CENPP: variants seen among roughly 807,000 people sequenced by gnomAD.
The protein encoded by CENPP is centromere protein P.
Under a neutral mutation model 35.6 loss-of-function variants are expected in CENPP, and 24 were observed. The ratio of observed to expected loss-of-function variants is 0.67; its 90% CI spans 0.49 to 0.95. The LOEUF is 0.95. CENPP is among the 40% of genes least tolerant of loss of function. CENPP has a pLI of 0.00. For missense variants in CENPP, 332 were observed against 345.3 expected (o/e 0.96, Z 0.31); for synonymous variants, 120 against 125.5 (o/e 0.96, Z 0.29).
Position 92,332,315 on chromosome 9 carries a change from A to G in CENPP, c.253A>G (p.Thr85Ala). Reference sequence around the variant, plus strand: ...CAATATAAGAAATCACTCCAAGCAGACAGAAGACCTAACAAGCACTGAGAT... The same window carrying G: ...CAATATAAGAAATCACTCCAAGCAGGCAGAAGACCTAACAAGCACTGAGAT... ...GINIRNHSKQTEDLTSTEMTE... is the reference protein window; with the variant it reads ...GINIRNHSKQAEDLTSTEMTE... Residue 85 changes from threonine (T) to alanine (A), a missense_variant, in exon 2 of 8, where the codon ACA becomes GCA. Transcript: ENST00000375587. The G allele has an allele frequency of 1.2e-6, 2 of 1,608,010 alleles. No individual in the cohort carries two copies. The highest frequency in any genetic ancestry group is 2.2e-5 in the East Asian group (1 of 44,614).
At chr9:92,519,242 T>G (rs1194529310) in intron 5 of CENPP, among the ~76,000 whole-genome samples, 3 of 152,188 alleles carry the variant, frequency 2.0e-5, no homozygotes, top group Admixed American at 2.0e-4. Flanking sequence ...ACATATGAGT[T>G]TCTTCCAGGT....
chr9:92,548,224 T>TTTCGA (rs150062499), intron 5 of CENPP, among the ~76,000 whole-genome samples: 56,323 of 151,682 alleles, frequency 0.37, 12,848 homozygotes, highest in African/African-American at 0.64. Context: ...TTGTGGGGTC[T>TTTCGA]TTCACTGCTG....
chr9:92,510,004 C>G (rs932865849), intron 5 of CENPP: 2 of 1,605,152 alleles, frequency 1.2e-6, no homozygotes, highest in Non-Finnish European at 1.7e-6. Flanking sequence ...TTATTTCCAT[C>G]CATATTCAAA....
At chr9:92,422,749 C>A (rs1472776700) in intron 5 of CENPP, among the ~76,000 whole-genome samples, 1 of 152,124 alleles carries the variant, frequency 6.6e-6, no homozygotes, top group African/African-American at 2.4e-5. Flanking sequence ...ATTTTCTATG[C>A]CTCTTGCTCT....
chr9:92,597,677 C>T (rs1263927382), intron 5 of CENPP, among the ~76,000 whole-genome samples: 2 of 152,170 alleles, frequency 1.3e-5, no homozygotes, highest in African/African-American at 2.4e-5. Context: ...TCATTTCTGA[C>T]TATTTTAAAA....
rs118094186 is a variant in CENPP at position 92,346,935 on chromosome 9, T to C, written c.467+1148T>C. Among the ~76,000 whole-genome samples the C allele has an allele frequency of 3.9e-3, 600 of 152,066 alleles. 2 individuals are homozygous for C. The highest frequency in any genetic ancestry group is 6.8e-3 in the Middle Eastern group (2 of 294). On this transcript the variant is annotated intron_variant, in intron 4 of 7. Transcript: ENST00000375587. The stretch of plus-strand genomic sequence containing the variant: ...CCATTGTCAGGTGACATTATGACTT[T>C]ATTTTGGACATATGGGACTTGAGTG...
At chr9:92,545,439 C>A (rs1425220084) in intron 5 of CENPP, among the ~76,000 whole-genome samples, 1 of 152,184 alleles carries the variant, frequency 6.6e-6, no homozygotes, top group Non-Finnish European at 1.5e-5. Flanking sequence ...AGTGCCGGCC[C>A]ACCGGCGCTG....
chr9:92,521,495 T>C (rs1451433319), intron 5 of CENPP, among the ~76,000 whole-genome samples: 1 of 152,206 alleles, frequency 6.6e-6, no homozygotes, highest in East Asian at 1.9e-4. Flanking sequence ...ATGGAAATAA[T>C]TAACGAAGAA....
At chr9:92,459,418 A>T (rs1205659990) in intron 5 of CENPP, among the ~76,000 whole-genome samples, 2 of 152,252 alleles carry the variant, frequency 1.3e-5, no homozygotes, top group Non-Finnish European at 2.9e-5. Context: ...AAACCAAAAG[A>T]TGGAAATGGA....
chr9:92,347,000 A>G lies in CENPP; in HGVS notation c.467+1213A>G, dbSNP rs567592334. The stretch of plus-strand genomic sequence containing the variant: ...GAAATAAAAATGAGAAAGAGGCAGC[A>G]CAGTAGAGGTGGGGGTGGGAGATAT... On this transcript the variant is annotated intron_variant, in intron 4 of 7. Transcript: ENST00000375587. Among the ~76,000 whole-genome samples the G allele has an allele frequency of 7.9e-5, 12 of 151,798 alleles. 1 individual carries two copies. The highest frequency in any genetic ancestry group is 2.9e-4 in the African/African-American group (12 of 41,384).
At chr9:92,568,500 G>A (rs146632864) in intron 5 of CENPP, among the ~76,000 whole-genome samples, 1,728 of 152,264 alleles carry the variant, frequency 0.011, 26 homozygotes, top group African/African-American at 0.038. Flanking sequence ...GGACATTTGG[G>A]TTGGTTCCAA....
At chr9:92,520,374 A>G (rs1445439750) in intron 5 of CENPP, among the ~76,000 whole-genome samples, 1 of 152,210 alleles carries the variant, frequency 6.6e-6, no homozygotes, top group African/African-American at 2.4e-5. Flanking sequence ...AAAGATGCTT[A>G]ACATCATTAG....
chr9:92,514,818 C>T, intron 5 of CENPP: 1 of 1,613,276 alleles, frequency 6.2e-7, no homozygotes, highest in African/African-American at 1.3e-5. Flanking sequence ...CCGGGTCCTC[C>T]TCGTCCTCCT....
intron 4 of CENPP, among the ~76,000 whole-genome samples, chr9:92,365,490 A>G (rs1208352018): frequency 6.8e-6 from 1 of 146,612 alleles, no homozygotes; most frequent in Non-Finnish European, 1.5e-5. Flanking sequence ...GGCTCACTAC[A>G]ACCTCCACCT....
intron 5 of CENPP, among the ~76,000 whole-genome samples, chr9:92,560,392 T>G (rs118169593): frequency 3.2e-4 from 49 of 152,318 alleles, no homozygotes; most frequent in Middle Eastern, 3.4e-3. Flanking sequence ...GTCTTGGGTA[T>G]GAACCCGTAC....
intron 2 of CENPP, among the ~76,000 whole-genome samples, chr9:92,333,231 G>T (rs936066484): frequency 6.6e-6 from 1 of 152,190 alleles, no homozygotes; most frequent in Non-Finnish European, 1.5e-5. Context: ...ATCATTTTTG[G>T]TGTGCTTTCT....
chr9:92,425,028 C>T (rs556678727), intron 5 of CENPP, among the ~76,000 whole-genome samples: 1 of 152,338 alleles, frequency 6.6e-6, no homozygotes, highest in Admixed American at 6.5e-5. Flanking sequence ...AGGTTCATAT[C>T]AGTACTTCTA....
intron 5 of CENPP, chr9:92,417,452 T>C (rs756191126): frequency 6.2e-7 from 1 of 1,614,060 alleles, no homozygotes; most frequent in Non-Finnish European, 8.5e-7. Context: ...GTAATCATCA[T>C]CTGGCTCTTG....
At chr9:92,532,759 G>T (rs1848876821) in intron 5 of CENPP, among the ~76,000 whole-genome samples, 1 of 151,718 alleles carries the variant, frequency 6.6e-6, no homozygotes, top group African/African-American at 2.4e-5. Context: ...AAAAATATTT[G>T]TTTTAAAGTC....
Sources: gnomAD v4.1 joint callset for allele counts (sites outside exome capture counted in the v4.1 genomes callset) on GRCh38, gnomAD v4.1.1 for gene constraint, MANE v1.5 for transcripts, NCBI Gene and HGNC (gene_info 2026-07-23, HGNC 2026-07-21) for gene names.